Variants in MGMT observed in about 807,000 individuals in gnomAD.
MGMT encodes O-6-methylguanine-DNA methyltransferase.
Under a neutral mutation model 15.9 loss-of-function variants are expected in MGMT, and 14 were observed. The observed-to-expected ratio is 0.88, with a 90% CI of 0.58 to 1.37. The LOEUF (loss-of-function observed/expected upper bound fraction) is 1.37, where lower values mean the gene tolerates loss of function less well. Ranked by LOEUF, MGMT falls within the 40% of genes most tolerant of loss-of-function variation. MGMT has a pLI of 0.00. For synonymous variants in MGMT, 130 were observed against 118.2 expected (o/e 1.10, Z -0.65); for missense variants, 282 against 268.1 (o/e 1.05, Z -0.36).
intron 1 of MGMT, among the ~76,000 whole-genome samples, chr10:129,503,188 G>A (rs576739117): frequency 7.2e-4 from 109 of 151,906 alleles, no homozygotes; most frequent in Non-Finnish European, 1.1e-3. Context: ...GATGGATGAT[G>A]CAGGAAAGTT....
Position 129,768,612 on chromosome 10 carries a change from C to T in MGMT, c.*1615C>T, listed in dbSNP as rs1024856148. ...CCCAGTGATGGCCGGTCACCAGGCA[C>T]GGCTTTCCCCTCTGCATGAACAGAA... On this transcript the variant is annotated 3_prime_UTR_variant, in exon 5 of 5. Coordinates refer to ENST00000651593, the MANE Select transcript of MGMT (RefSeq NM_002412.5). Among the ~76,000 whole-genome samples the T allele has an allele frequency of 6.6e-6, 1 of 152,238 alleles. No individual in the cohort carries two copies. Among genetic ancestry groups the T allele is most frequent in the African/African-American group, 2.4e-5 (1 of 41,476 alleles).
At chr10:129,508,899 C>T (rs1845652589) in intron 1 of MGMT, among the ~76,000 whole-genome samples, 1 of 151,792 alleles carries the variant, frequency 6.6e-6, no homozygotes, top group African/African-American at 2.4e-5. Flanking sequence ...AGATTGCTTA[C>T]TTGGTTGAAA....
At chr10:129,652,858 A>G (rs1589916703) in intron 2 of MGMT, among the ~76,000 whole-genome samples, 1 of 152,250 alleles carries the variant, frequency 6.6e-6, no homozygotes, top group African/African-American at 2.4e-5. Flanking sequence ...CTGTGGCCGC[A>G]GTCTCCACTG....
At chr10:129,501,827 G>A (rs1323916724) in intron 1 of MGMT, among the ~76,000 whole-genome samples, 1 of 152,218 alleles carries the variant, frequency 6.6e-6, no homozygotes, top group African/African-American at 2.4e-5. Flanking sequence ...GCTCACCTCT[G>A]TTTTCAGTTC....
rs1473849223 is a variant in MGMT at position 129,768,371 on chromosome 10, A to G, written c.*1374A>G. Among the ~76,000 whole-genome samples, 6 of 152,256 alleles carry G rather than the reference A, an allele frequency of 3.9e-5. No homozygotes were observed. The highest frequency in any genetic ancestry group is 7.3e-5 in the Non-Finnish European group (5 of 68,050). On this transcript the variant is annotated 3_prime_UTR_variant, in exon 5 of 5. Transcript: ENST00000651593. ...TAACTCTTGGTATTTTTGAAGCAGG[A>G]TAAGTCACACAGCGGGTCACGTAGA... is the stretch of plus-strand genomic sequence containing the variant.
At chr10:129,585,153 G>A (rs1373014869) in intron 2 of MGMT, among the ~76,000 whole-genome samples, 1 of 152,044 alleles carries the variant, frequency 6.6e-6, no homozygotes, top group Non-Finnish European at 1.5e-5. Context: ...TTGTCTTTTT[G>A]ATTTTAGCCA....
chr10:129,686,539 T>A (rs1356082262), intron 2 of MGMT, among the ~76,000 whole-genome samples: 1 of 152,148 alleles, frequency 6.6e-6, no homozygotes, highest in Non-Finnish European at 1.5e-5. Flanking sequence ...CACATCCGAC[T>A]AATTTTTGTA....
chr10:129,653,255 A>T (rs535468867), intron 2 of MGMT, among the ~76,000 whole-genome samples: 8 of 152,366 alleles, frequency 5.3e-5, no homozygotes, highest in African/African-American at 1.9e-4. Flanking sequence ...CTGTCAAATA[A>T]TCTGAACTAA....
chr10:129,609,804 G>A (rs1220169950), intron 2 of MGMT, among the ~76,000 whole-genome samples: 1 of 152,104 alleles, frequency 6.6e-6, no homozygotes. Flanking sequence ...AGGAGGAGGA[G>A]CAGTGCGGAG....
chr10:129,516,986 C>T (rs576711215), intron 1 of MGMT, among the ~76,000 whole-genome samples: 26 of 152,364 alleles, frequency 1.7e-4, no homozygotes, highest in African/African-American at 5.0e-4. Context: ...AGTTCTACCC[C>T]GAGTGCGGTT....
chr10:129,606,505 C>T (rs994043094), intron 2 of MGMT, among the ~76,000 whole-genome samples: 1 of 152,128 alleles, frequency 6.6e-6, no homozygotes, highest in African/African-American at 2.4e-5. Context: ...CGAGGGCCTC[C>T]GCACCCGGCG....
In MGMT at chr10:129,707,969, A is replaced by C. The variant is rs369446171; in HGVS notation, c.200A>C (p.Asn67Thr). The C allele has an allele frequency of 3.5e-5, 57 of 1,613,444 alleles. No individual in the cohort carries two copies. The highest frequency in any genetic ancestry group is 4.4e-5 in the Non-Finnish European group (52 of 1,179,998). The change falls in exon 3 of 5, where the codon AAT becomes ACT. Residue 67 changes from asparagine (N) to threonine (T), a missense_variant. By Grantham distance (65) the Asn-to-Thr change is moderately conservative (BLOSUM62 0). Coordinates refer to ENST00000651593, the MANE Select transcript of MGMT (RefSeq NM_002412.5). ...EPLMQCTAWL[N>T]AYFHQPEAIE... ...CTGATGCAGTGCACAGCCTGGCTGA[A>C]TGCCTATTTCCACCAGCCCGAGGCT...
chr10:129,645,227 C>T (rs1181981369), intron 2 of MGMT, among the ~76,000 whole-genome samples: 1 of 149,524 alleles, frequency 6.7e-6, no homozygotes, highest in Non-Finnish European at 1.5e-5. Flanking sequence ...TCAAGCGATT[C>T]TGCTGCCTCA....
intron 1 of MGMT, among the ~76,000 whole-genome samples, chr10:129,496,694 G>T (rs562985713): frequency 2.4e-4 from 36 of 152,118 alleles, no homozygotes; most frequent in African/African-American, 8.2e-4. Context: ...TGCTCTAGAG[G>T]TTCCTGGGAA....
chr10:129,684,996 G>T (rs984701962), intron 2 of MGMT, among the ~76,000 whole-genome samples: 6 of 152,224 alleles, frequency 3.9e-5, no homozygotes, highest in African/African-American at 1.2e-4. Context: ...GGCCCGAGTA[G>T]CTGATGAAAT....
intron 3 of MGMT, among the ~76,000 whole-genome samples, chr10:129,748,940 A>G (rs547556844): frequency 2.6e-4 from 39 of 152,290 alleles, no homozygotes; most frequent in African/African-American, 8.7e-4. Context: ...AACTTTATCA[A>G]CTAGAGTTCA....
At chr10:129,668,756 T>G (rs1431871925) in intron 2 of MGMT, among the ~76,000 whole-genome samples, 1 of 152,240 alleles carries the variant, frequency 6.6e-6, no homozygotes, top group African/African-American at 2.4e-5. Flanking sequence ...TGAATCAGTT[T>G]GTCACATTTC....
chr10:129,707,879 G>C lies in MGMT; in HGVS notation c.126-16G>C. 1 of 1,610,110 alleles carries C rather than the reference G, an allele frequency of 6.2e-7. No homozygotes were observed. The highest frequency in any genetic ancestry group is 8.5e-7 in the Non-Finnish European group (1 of 1,179,996). ...GGGCCCAGAGGTTTACTAAGCCCCT[G>C]TTCTCACTTTTGCAGTGCCGTGGAG... On this transcript the variant is annotated splice_polypyrimidine_tract_variant and intron_variant, in intron 2 of 4. Coordinates refer to ENST00000651593, the MANE Select transcript of MGMT (RefSeq NM_002412.5).
At chr10:129,663,017 A>G (rs1380028824) in intron 2 of MGMT, among the ~76,000 whole-genome samples, 1 of 152,220 alleles carries the variant, frequency 6.6e-6, no homozygotes, top group Admixed American at 6.5e-5. Context: ...ACAAGTAAGG[A>G]ATGATACAGG....
Sources: gnomAD v4.1 joint callset for allele counts (sites outside exome capture counted in the v4.1 genomes callset) on GRCh38, gnomAD v4.1.1 for gene constraint, MANE v1.5 for transcripts, NCBI Gene and HGNC (gene_info 2026-07-23, HGNC 2026-07-21) for gene names.